The following NAA20 variants were observed in gnomAD, a reference collection of about 807,000 sequenced individuals.
The protein encoded by NAA20 is N-alpha-acetyltransferase 20.
Under a neutral mutation model 23.8 loss-of-function variants are expected in NAA20, and 24 were observed. That is an observed-to-expected ratio of 1.01 (90% CI 0.73 to 1.42). The LOEUF (loss-of-function observed/expected upper bound fraction) is 1.42, where lower values mean the gene tolerates loss of function less well. Among genes scored for constraint, NAA20 ranks in the 40% most tolerant of loss-of-function variants. NAA20 has a pLI of 0.00. For missense variants in NAA20, 166 were observed against 223.1 expected, an observed-to-expected ratio of 0.74 and a Z score of 1.63; for synonymous variants, 83 against 77.7, an observed-to-expected ratio of 1.07 and a Z score of -0.36.
intron 1 of NAA20, chr20:20,017,836 T>C (rs2043242123): frequency 6.6e-7 from 1 of 1,513,370 alleles, no homozygotes; most frequent in Non-Finnish European, 8.8e-7. Context: ...TACTGCTTGC[T>C]GGTTCGTGGC....
intron 2 of NAA20, among the ~76,000 whole-genome samples, chr20:20,023,874 T>C (rs1371790217): frequency 6.6e-6 from 1 of 152,240 alleles, no homozygotes; most frequent in South Asian, 2.1e-4. Context: ...TAAATTGCTA[T>C]TATCTTTCCA....
chr20:20,028,551 T>A (rs1199162844), intron 4 of NAA20, among the ~76,000 whole-genome samples: 1 of 152,214 alleles, frequency 6.6e-6, no homozygotes, highest in Non-Finnish European at 1.5e-5. Context: ...GGTATTTGTA[T>A]GATAGATTCT....
intron 1 of NAA20, chr20:20,018,019 C>T (rs1046838050): frequency 1.2e-6 from 2 of 1,614,248 alleles, no homozygotes; most frequent in African/African-American, 2.7e-5. Flanking sequence ...GCGTCCCCTG[C>T]AGCAGATGCT....
chr20:20,018,229 T>C, intron 1 of NAA20: 1 of 676,470 alleles, frequency 1.5e-6, no homozygotes. Flanking sequence ...TAAGAAAACA[T>C]TTTATTATGA....
chr20:20,032,167 AAT>A (rs745764938), intron 4 of NAA20, among the ~76,000 whole-genome samples: 39 of 152,048 alleles, frequency 2.6e-4, no homozygotes, highest in Non-Finnish European at 5.1e-4. Flanking sequence ...AAGACAAAAG[AAT>A]ATATGATTCC....
chr20:20,025,858 A>G (rs2043303178), intron 3 of NAA20, 91 bp downstream of exon 3: 2 of 880,268 alleles, frequency 2.3e-6, no homozygotes, highest in South Asian at 1.4e-5. Context: ...ATTGGAATAT[A>G]ATGATGCTTG....
In NAA20 at chr20:20,025,719, G is replaced by C. The variant is rs2043302211; in HGVS notation, c.121G>C (p.Glu41Gln). Residue 41 changes from glutamate to glutamine, a missense_variant, in exon 3 of 6, where the codon GAG becomes CAG. By Grantham distance (29) the Glu-to-Gln change is conservative (BLOSUM62 2). Transcript: ENST00000334982. ...CCTACAATACCTCGCCCACTGGCCA[G>C]AGTATTTCATTGTTGCAGAGGCACC... is the stretch of plus-strand genomic sequence containing the variant. The part of the protein sequence containing the change: ...FYLQYLAHWP[E>Q]YFIVAEAPGG... The C allele has an allele frequency of 3.1e-6, 5 of 1,612,454 alleles. No individual in the cohort carries two copies. Among genetic ancestry groups the C allele is most frequent in the Non-Finnish European group, 4.2e-6 (5 of 1,178,478 alleles).
At chr20:20,029,929 C>T (rs1370605464) in intron 4 of NAA20, among the ~76,000 whole-genome samples, 1 of 152,068 alleles carries the variant, frequency 6.6e-6, no homozygotes, top group African/African-American at 2.4e-5. Flanking sequence ...ATTGCAAAAA[C>T]CATTCTTAGC....
upstream of NAA20, chr20:20,017,341 C>A: frequency 6.2e-7 from 1 of 1,605,044 alleles, no homozygotes; most frequent in Non-Finnish European, 8.5e-7. Context: ...CGGGAGACTT[C>A]CGGCAGGGCG....
chr20:20,030,299 C>CT (rs2043334149), intron 4 of NAA20, among the ~76,000 whole-genome samples: 1 of 152,138 alleles, frequency 6.6e-6, no homozygotes, highest in Non-Finnish European at 1.5e-5. Context: ...GTGGTTTCAA[C>CT]TTTACACTAA....
Position 20,030,454 on chromosome 20 carries a change from A to G in NAA20, c.306-2054A>G, listed in dbSNP as rs143851824. Among the ~76,000 whole-genome samples, 1,024 of 152,328 alleles carry G rather than the reference A, an allele frequency of 6.7e-3. 10 individuals are homozygous for G. The highest frequency in any genetic ancestry group is 0.034 in the South Asian group (166 of 4,830). On this transcript the variant is annotated intron_variant, in intron 4 of 5. Transcript: ENST00000334982. ...TATCTACAAGAAATTTGTAGTAAAT[A>G]TATTTAGTAGTGATACACTGAATGC...
intron 4 of NAA20, among the ~76,000 whole-genome samples, chr20:20,031,704 G>A (rs544855325): frequency 2.0e-5 from 3 of 152,020 alleles, no homozygotes; most frequent in Admixed American, 6.6e-5. Flanking sequence ...GAACTGTAGC[G>A]GGGGAAAAAT....
chr20:20,031,699 G>A (rs1037786568), intron 4 of NAA20, among the ~76,000 whole-genome samples: 1 of 152,130 alleles, frequency 6.6e-6, no homozygotes, highest in Admixed American at 6.6e-5. Flanking sequence ...ATAGAGAACT[G>A]TAGCGGGGGA....
intron 4 of NAA20, among the ~76,000 whole-genome samples, chr20:20,027,940 G>A (rs756299521): frequency 8.6e-5 from 13 of 152,024 alleles, no homozygotes; most frequent in Non-Finnish European, 1.8e-4. Context: ...CTAAAAGTGT[G>A]GTAGGAAAGA....
At chr20:20,017,817 G>C in intron 1 of NAA20, 1 of 1,475,300 alleles carries the variant, frequency 6.8e-7, no homozygotes, top group Non-Finnish European at 9.0e-7. Flanking sequence ...TGGGCTTCTC[G>C]CCCTGCCCTA....
chr20:20,032,628 C>T lies in NAA20; in HGVS notation c.426C>T (p.Asn142=), dbSNP rs773654228. 1.9e-5 allele frequency: 31 copies of T among 1,604,626 alleles called. No homozygotes were observed. Among genetic ancestry groups the T allele is most frequent in the East Asian group, 2.2e-5 (1 of 44,740 alleles). The change falls in exon 5 of 6, where the codon AAC becomes AAT. Residue 142 remains asparagine, a synonymous_variant. Coordinates refer to ENST00000334982, the MANE Select transcript of NAA20 (RefSeq NM_016100.5). Reference sequence around the variant, plus strand: ...TCATAGAGTACTATTCGGCCAGCAACGGGGAGCCTGATGAGGACGCTTATG... The same window carrying T: ...TCATAGAGTACTATTCGGCCAGCAATGGGGAGCCTGATGAGGACGCTTATG... ...RTVIEYYSAS[N]GEPDEDAYDM...
chr20:20,028,251 G>C (rs2043319804), intron 4 of NAA20, among the ~76,000 whole-genome samples: 1 of 152,120 alleles, frequency 6.6e-6, no homozygotes, highest in African/African-American at 2.4e-5. Context: ...TGGCATTATT[G>C]TATAGTGAAC....
In NAA20 at chr20:20,032,641, G is replaced by A; in HGVS notation, c.439G>A (p.Glu147Lys). 3.1e-6 allele frequency: 5 copies of A among 1,603,340 alleles called. No homozygotes were observed. The highest frequency in any genetic ancestry group is 4.3e-6 in the Non-Finnish European group (5 of 1,175,724). Residue 147 changes from glutamate (E) to lysine (K), a missense_variant, in exon 5 of 6, where the codon GAG becomes AAG. Transcript: ENST00000334982. ...YYSASNGEPD[E>K]DAYDMRKALS... is the part of the protein sequence containing the mutation. ...TTCGGCCAGCAACGGGGAGCCTGATGAGGACGCTTATGGTAAGCTCCCTTC... is the reference window on the plus strand; with the variant it reads ...TTCGGCCAGCAACGGGGAGCCTGATAAGGACGCTTATGGTAAGCTCCCTTC...
At chr20:20,017,910 G>A (rs908500464) in intron 1 of NAA20, 2 of 1,605,376 alleles carry the variant, frequency 1.2e-6, no homozygotes, top group Non-Finnish European at 1.7e-6. Flanking sequence ...GGGCTTGCGA[G>A]GATCGGAAGC....
Sources: allele counts gnomAD v4.1 joint callset (sites outside exome capture counted in the v4.1 genomes callset), GRCh38; gene constraint gnomAD v4.1.1; transcripts MANE v1.5; gene names NCBI Gene and HGNC (gene_info 2026-07-23, HGNC 2026-07-21).